XPNPEP1: variants seen among roughly 807,000 people sequenced by gnomAD.
XPNPEP1 encodes X-prolyl aminopeptidase 1, also known as xaa-Pro aminopeptidase 1.
XPNPEP1 carries 39 observed loss-of-function variants against 92.4 expected under a neutral mutation model. The ratio of observed to expected loss-of-function variants is 0.42; its 90% CI spans 0.33 to 0.55. The LOEUF (loss-of-function observed/expected upper bound fraction) is 0.55, where lower values mean the gene tolerates loss of function less well. Ranked by LOEUF, XPNPEP1 falls within the 20% of genes least tolerant of loss-of-function variation. The probability of loss-of-function intolerance (pLI) is 0.08; values close to 1 mark genes in which losing one functional copy is unlikely to be tolerated. For synonymous variants in XPNPEP1, 307 were observed against 299.4 expected, an observed-to-expected ratio of 1.03 and a Z score of -0.26; for missense variants, 654 against 856.1, an observed-to-expected ratio of 0.76 and a Z score of 2.95.
chr10:109,919,729 T>C lies in XPNPEP1; in HGVS notation c.32+3673A>G, dbSNP rs1330333349. ...AGTGTCTATCCATATAATGGAATGT[T>C]CTTTGCCAATAAAGGGAAATCACGC... is the stretch of plus-strand genomic sequence containing the variant. On this transcript the variant is annotated intron_variant, in intron 1 of 20. Transcript: ENST00000502935. Among the ~76,000 whole-genome samples the C allele has an allele frequency of 5.9e-5, 9 of 152,378 alleles. No individual in the cohort carries two copies. The East Asian group carries it at 1.7e-3, about 29-fold the overall frequency.
At chr10:109,905,392 T>G (rs1849504976) in intron 3 of XPNPEP1, among the ~76,000 whole-genome samples, 1 of 151,988 alleles carries the variant, frequency 6.6e-6, no homozygotes. Flanking sequence ...ATATTTTTAG[T>G]AGAGATGGGG....
intron 19 of XPNPEP1, 46 bp from the exon 20 acceptor site, chr10:109,868,758 T>G: frequency 6.4e-7 from 1 of 1,557,320 alleles, no homozygotes. Context: ...CTCTTTACTA[T>G]GCTGAAGCAC....
chr10:109,921,113 T>C (rs559165354), intron 1 of XPNPEP1, among the ~76,000 whole-genome samples: 9 of 152,312 alleles, frequency 5.9e-5, no homozygotes, highest in African/African-American at 1.2e-4. Flanking sequence ...TTTCACTTGT[T>C]TGGACAGATA....
intron 3 of XPNPEP1, among the ~76,000 whole-genome samples, chr10:109,899,816 C>T (rs1339739512): frequency 2.0e-5 from 3 of 152,224 alleles, no homozygotes; most frequent in Admixed American, 1.3e-4. Flanking sequence ...ATGGGGTCTA[C>T]GGATGAGGAG....
At chr10:109,880,739 G>A (rs1355963095) in intron 11 of XPNPEP1, 103 bp downstream of exon 11, 4 of 1,143,986 alleles carry the variant, frequency 3.5e-6, no homozygotes, top group Admixed American at 4.7e-5. Context: ...GAGGCTCAGA[G>A]AGATTCTAAC....
chr10:109,905,645 A>T (rs1027950845), intron 3 of XPNPEP1, among the ~76,000 whole-genome samples: 1 of 152,226 alleles, frequency 6.6e-6, no homozygotes, highest in African/African-American at 2.4e-5. Context: ...CTGTTGCACA[A>T]CAATATGTGC....
intron 20 of XPNPEP1, among the ~76,000 whole-genome samples, chr10:109,866,363 C>G (rs867363294): frequency 1.3e-5 from 2 of 152,098 alleles, no homozygotes; most frequent in African/African-American, 4.8e-5. Flanking sequence ...CTGAGAAGAG[C>G]CTAGTAGCCC....
intron 14 of XPNPEP1, 169 bp downstream of exon 14, chr10:109,877,621 G>C (rs1427287635): frequency 1.2e-6 from 1 of 829,398 alleles, no homozygotes; most frequent in Non-Finnish European, 1.9e-6. Context: ...AGAGGCTTGG[G>C]GATTGGGAGA....
intron 2 of XPNPEP1, 112 bp from the exon 3 acceptor site, chr10:109,907,927 T>C: frequency 3.4e-6 from 5 of 1,487,476 alleles, no homozygotes; most frequent in Non-Finnish European, 4.5e-6. Flanking sequence ...CCACTCCCAG[T>C]TAGGTCTTCA....
intron 1 of XPNPEP1, among the ~76,000 whole-genome samples, chr10:109,919,891 G>A (rs1850437035): frequency 6.6e-6 from 1 of 152,140 alleles, no homozygotes; most frequent in Non-Finnish European, 1.5e-5. Context: ...AATTAGCTGG[G>A]TGTGGTGGTG....
chr10:109,907,821 A>G lies in XPNPEP1; in HGVS notation c.122-6T>C, dbSNP rs764082667. 8 of 1,613,964 alleles carry G rather than the reference A, an allele frequency of 5.0e-6. No individual in the cohort carries two copies. The East Asian group carries it at 1.8e-4, about 36-fold the overall frequency. Reference sequence around the variant, plus strand: ...CTTTGGAGGCATTCTGCCGTCTGCAACAACAGGAGAGCAAATTTCAAAACC... The same window carrying G: ...CTTTGGAGGCATTCTGCCGTCTGCAGCAACAGGAGAGCAAATTTCAAAACC... On this transcript the variant is annotated splice_polypyrimidine_tract_variant and splice_region_variant and intron_variant, in intron 2 of 20. Transcript: ENST00000502935.
intron 7 of XPNPEP1, among the ~76,000 whole-genome samples, chr10:109,886,681 C>T (rs1236443363): frequency 2.8e-5 from 4 of 140,496 alleles, no homozygotes; most frequent in Non-Finnish European, 4.9e-5. Flanking sequence ...CTTCATGGGG[C>T]TTACAATATA....
At chr10:109,913,501 G>C (rs1849997926) in intron 2 of XPNPEP1, among the ~76,000 whole-genome samples, 1 of 152,346 alleles carries the variant, frequency 6.6e-6, no homozygotes, top group South Asian at 2.1e-4. Context: ...CTGTTGCACA[G>C]CTGAGGGAAC....
intron 5 of XPNPEP1, 144 bp downstream of exon 5, chr10:109,891,578 A>T (rs1848705653): frequency 2.2e-6 from 1 of 459,282 alleles, no homozygotes; most frequent in African/African-American, 2.1e-5. Flanking sequence ...TAGGCATGCC[A>T]TTTTTTTTTT....
At chr10:109,910,811 T>G (rs2133544846) in intron 2 of XPNPEP1, among the ~76,000 whole-genome samples, 1 of 152,366 alleles carries the variant, frequency 6.6e-6, no homozygotes, top group East Asian at 1.9e-4. Context: ...CCAACTCATT[T>G]TTTAACAAAA....
intron 3 of XPNPEP1, among the ~76,000 whole-genome samples, chr10:109,904,761 C>T (rs1180680464): frequency 2.6e-5 from 4 of 152,070 alleles, no homozygotes; most frequent in Non-Finnish European, 5.9e-5. Flanking sequence ...CAAAAAATAG[C>T]AAGTGTTGGT....
intron 7 of XPNPEP1, 75 bp downstream of exon 7, chr10:109,887,974 A>G: frequency 6.4e-7 from 1 of 1,567,652 alleles, no homozygotes; most frequent in Non-Finnish European, 8.7e-7. Context: ...GATTCGGAGG[A>G]CGAGGCTGGA....
In XPNPEP1 at chr10:109,888,278, C is replaced by T. The variant is rs113109469; in HGVS notation, c.509-86G>A. The T allele has an allele frequency of 8.1e-5, 124 of 1,521,490 alleles. No homozygotes were observed. In the African/African-American group the frequency reaches 1.5e-3, roughly 18 times the overall value. The allele number at this position is 1,521,490 out of a possible 1,614,324, so 94.2% of individuals were successfully genotyped here. The stretch of plus-strand genomic sequence containing the variant: ...CAGGGCCTTGAAAGTCCAGAACCTT[C>T]AGAAAGGTGGTCCTGCCATGGCCCA... On this transcript the variant is annotated intron_variant, in intron 6 of 20. Transcript: ENST00000502935.
At chr10:109,901,491 T>A (rs1376156823) in intron 3 of XPNPEP1, among the ~76,000 whole-genome samples, 2 of 152,184 alleles carry the variant, frequency 1.3e-5, no homozygotes, top group African/African-American at 4.8e-5. Context: ...CACGTTCCAA[T>A]TTAAATCCTA....
Sources: gnomAD v4.1 joint callset for allele counts (sites outside exome capture counted in the v4.1 genomes callset) on GRCh38, gnomAD v4.1.1 for gene constraint, MANE v1.5 for transcripts, NCBI Gene and HGNC (gene_info 2026-07-23, HGNC 2026-07-21) for gene names.